The following LAMA2 variants were observed in gnomAD, a reference collection of about 807,000 sequenced individuals.
The protein encoded by LAMA2 is laminin subunit alpha-2.
LAMA2 carries 269 observed loss-of-function variants against 364.8 expected under a neutral mutation model. The ratio of observed to expected loss-of-function variants is 0.74; its 90% CI spans 0.67 to 0.82. The LOEUF (loss-of-function observed/expected upper bound fraction) is 0.82. Among genes scored for constraint, LAMA2 ranks in the 40% least tolerant of loss-of-function variants. The pLI, the probability that LAMA2 is intolerant of heterozygous loss-of-function variation, is 0.00. For missense variants in LAMA2, 3,807 were observed against 3,873.2 expected (o/e 0.98, Z 0.45); for synonymous variants, 1,379 against 1,370.6 (o/e 1.01, Z -0.14).
intron 12 of LAMA2, among the ~76,000 whole-genome samples, chr6:129,228,057 C>A (rs966355458): frequency 1.3e-5 from 2 of 152,164 alleles, no homozygotes; most frequent in Admixed American, 6.5e-5. Flanking sequence ...ACCTTGCTGC[C>A]ACCTTGCAGT....
intron 12 of LAMA2, among the ~76,000 whole-genome samples, chr6:129,208,281 A>G (rs1345423902): frequency 2.6e-5 from 4 of 152,160 alleles, no homozygotes; most frequent in African/African-American, 9.7e-5. Flanking sequence ...TAATATGAAT[A>G]CCTACTTTAT....
At chr6:129,340,743 A>G (rs969426799) in intron 29 of LAMA2, among the ~76,000 whole-genome samples, 2 of 149,106 alleles carry the variant, frequency 1.3e-5, no homozygotes, top group African/African-American at 4.9e-5. Context: ...AAGGTGAGGC[A>G]GGAGAATCCC....
intron 4 of LAMA2, among the ~76,000 whole-genome samples, chr6:129,107,914 C>T (rs1435991292): frequency 6.6e-6 from 1 of 152,078 alleles, no homozygotes; most frequent in Non-Finnish European, 1.5e-5. Context: ...GCTCAGGAGT[C>T]CCCCCTCCTA....
chr6:129,401,238 T>C lies in LAMA2; in HGVS notation c.5460T>C (p.Ala1820=). Residue 1820 remains alanine (A), a synonymous_variant, in exon 38 of 65, where the codon GCT becomes GCC. Coordinates refer to ENST00000421865, the MANE Select transcript of LAMA2 (RefSeq NM_000426.4). ...NMTALEKKKE[A]VESGKRQIEN... ...ATGGTCTACAGAAAAAGAAGGAGGC[T>C]GTTGAAAGCGGCAAACGACAAATTG... 6.3e-7 allele frequency: 1 copy of C among 1,598,564 alleles called. No homozygotes were observed. The highest frequency in any genetic ancestry group is 1.1e-5 in the South Asian group (1 of 90,660).
chr6:129,376,974 A>C (rs2114641829), intron 34 of LAMA2, among the ~76,000 whole-genome samples: 1 of 152,306 alleles, frequency 6.6e-6, no homozygotes, highest in African/African-American at 2.4e-5. Flanking sequence ...TTGTTTAATT[A>C]ATTGTGAATG....
chr6:129,338,001 T>G (rs1776051996), intron 29 of LAMA2, among the ~76,000 whole-genome samples: 1 of 152,186 alleles, frequency 6.6e-6, no homozygotes, highest in South Asian at 2.1e-4. Context: ...CCAGGACATT[T>G]GATTCAATTA....
intron 4 of LAMA2, among the ~76,000 whole-genome samples, chr6:129,124,723 A>G (rs545158393): frequency 1.3e-5 from 2 of 152,338 alleles, no homozygotes; most frequent in South Asian, 2.1e-4. Flanking sequence ...TTTAAATACC[A>G]TATATTTACC....
At chr6:129,239,344 C>A (rs2115151845) in intron 12 of LAMA2, among the ~76,000 whole-genome samples, 1 of 152,264 alleles carries the variant, frequency 6.6e-6, no homozygotes, top group Admixed American at 6.5e-5. Flanking sequence ...ACTATCTGTA[C>A]AAGAAATTTT....
chr6:129,256,780 A>ATATATG (rs1786717230), intron 14 of LAMA2, among the ~76,000 whole-genome samples: 1 of 136,222 alleles, frequency 7.3e-6, no homozygotes, highest in Non-Finnish European at 1.7e-5. Context: ...ATATATATAT[A>ATATATG]TATATATATA....
At chr6:129,380,035 A>G (rs185464735) in intron 34 of LAMA2, among the ~76,000 whole-genome samples, 1 of 152,302 alleles carries the variant, frequency 6.6e-6, no homozygotes, top group Admixed American at 6.5e-5. Flanking sequence ...GCCTTTTCTA[A>G]TCTATCTATC....
chr6:129,056,487 A>G (rs2114788649), intron 2 of LAMA2, among the ~76,000 whole-genome samples: 1 of 152,296 alleles, frequency 6.6e-6, no homozygotes, highest in Admixed American at 6.5e-5. Flanking sequence ...AAGTCCAGCC[A>G]GCTGTTAAGT....
At chr6:128,921,470 G>A (rs1224075707) in intron 1 of LAMA2, among the ~76,000 whole-genome samples, 1 of 152,118 alleles carries the variant, frequency 6.6e-6, no homozygotes, top group Non-Finnish European at 1.5e-5. Context: ...GTTTAGGGTG[G>A]ACCCTGATCC....
intron 1 of LAMA2, among the ~76,000 whole-genome samples, chr6:128,905,777 C>G (rs1344108343): frequency 1.3e-5 from 2 of 151,706 alleles, no homozygotes; most frequent in Admixed American, 6.6e-5. Flanking sequence ...AATGCTATCC[C>G]TCCCCACTCC....
intron 14 of LAMA2, among the ~76,000 whole-genome samples, chr6:129,255,235 A>G (rs372186967): frequency 6.6e-6 from 1 of 151,604 alleles, no homozygotes; most frequent in Non-Finnish European, 1.5e-5. Flanking sequence ...GTGAAACCCC[A>G]TCTCTACTAA....
At chr6:128,936,297 G>A (rs1431766942) in intron 1 of LAMA2, among the ~76,000 whole-genome samples, 2 of 152,284 alleles carry the variant, frequency 1.3e-5, no homozygotes, top group African/African-American at 4.8e-5. Context: ...TATTCAGTAT[G>A]ACATCAGCTG....
chr6:129,106,875 A>AT (rs59504944), intron 4 of LAMA2, among the ~76,000 whole-genome samples: 9,349 of 142,390 alleles, frequency 0.066, 663 homozygotes, highest in African/African-American at 0.18. Flanking sequence ...AAAAAAAAAA[A>AT]ATATATATAT....
intron 1 of LAMA2, among the ~76,000 whole-genome samples, chr6:128,947,162 G>T (rs945548240): frequency 1.3e-5 from 2 of 152,094 alleles, no homozygotes; most frequent in Non-Finnish European, 2.9e-5. Flanking sequence ...CCAGGGGTGA[G>T]GATACAAAGA....
chr6:129,150,806 T>A (rs1391039607), intron 7 of LAMA2, among the ~76,000 whole-genome samples: 2 of 152,136 alleles, frequency 1.3e-5, no homozygotes, highest in African/African-American at 2.4e-5. Flanking sequence ...TCCTGAAAGC[T>A]TAAGTAAAAA....
At chr6:129,026,392 T>C (rs2114724762) in intron 1 of LAMA2, among the ~76,000 whole-genome samples, 1 of 152,268 alleles carries the variant, frequency 6.6e-6, no homozygotes, top group East Asian at 1.9e-4. Flanking sequence ...TGCATGAAGA[T>C]GGTTACATAA....
Sources: allele counts gnomAD v4.1 joint callset (sites outside exome capture counted in the v4.1 genomes callset), GRCh38; gene constraint gnomAD v4.1.1; transcripts MANE v1.5; gene names NCBI Gene and HGNC (gene_info 2026-07-23, HGNC 2026-07-21).